SHISA6: variants seen among roughly 807,000 people sequenced by gnomAD.
SHISA6 encodes shisa family member 6, also known as protein shisa-6.
Under a neutral mutation model 47.9 loss-of-function variants are expected in SHISA6, and 22 were observed. The observed-to-expected ratio is 0.46, with a 90% CI of 0.33 to 0.66. SHISA6 has a LOEUF of 0.66. Among genes scored for constraint, SHISA6 ranks in the 30% least tolerant of loss-of-function variants. The pLI is 0.02. For synonymous variants in SHISA6, 388 were observed against 337.8 expected (o/e 1.15, Z -1.63); for missense variants, 680 against 764.6 (o/e 0.89, Z 1.30).
rs1555530646 is a variant in SHISA6 at position 11,361,190 on chromosome 17, G to GT, written c.800-18215dup. ...AATGTCTTGTCTCTTCCCTACGTTA[G>GT]TTTTTTTTTCCAGATAGATTTTGGA... On this transcript the variant is annotated intron_variant, in intron 2 of 5. Transcript: ENST00000441885. 8.7e-5 allele frequency among the ~76,000 whole-genome samples: 13 copies of GT among 148,944 alleles called. No homozygotes were observed. The East Asian group carries it at 9.8e-4, about 11-fold the overall frequency.
intron 3 of SHISA6, among the ~76,000 whole-genome samples, chr17:11,428,828 A>C (rs1416121234): frequency 7.8e-6 from 1 of 129,024 alleles, no homozygotes; most frequent in Non-Finnish European, 1.5e-5. Context: ...TCTGTCGCCC[A>C]GGCTGGAGTG....
intron 3 of SHISA6, among the ~76,000 whole-genome samples, chr17:11,467,385 C>T (rs1915834383): frequency 6.6e-6 from 1 of 152,140 alleles, no homozygotes; most frequent in Non-Finnish European, 1.5e-5. Context: ...TTTCTGTTAC[C>T]TTGATCATAG....
At chr17:11,332,944 G>A (rs1310526766) in intron 2 of SHISA6, among the ~76,000 whole-genome samples, 1 of 152,168 alleles carries the variant, frequency 6.6e-6, no homozygotes, top group Non-Finnish European at 1.5e-5. Flanking sequence ...TGCCAGTGCG[G>A]CATCTAGAGA....
intron 3 of SHISA6, among the ~76,000 whole-genome samples, chr17:11,516,897 C>A (rs1233704138): frequency 6.6e-6 from 1 of 152,162 alleles, no homozygotes; most frequent in Admixed American, 6.5e-5. Context: ...CTTGCTGCAG[C>A]CAAGCCCAAC....
chr17:11,525,652 C>CA (rs371530736), intron 3 of SHISA6, among the ~76,000 whole-genome samples: 8 of 104,284 alleles, frequency 7.7e-5, no homozygotes, highest in African/African-American at 2.7e-4. Flanking sequence ...AAAAAAAAAA[C>CA]AAAAAAAAAA....
At chr17:11,324,166 C>T (rs987671921) in intron 2 of SHISA6, among the ~76,000 whole-genome samples, 19 of 152,122 alleles carry the variant, frequency 1.2e-4, no homozygotes, top group African/African-American at 4.6e-4. Context: ...GCTTTGGTGC[C>T]GCGTTTTCAT....
chr17:11,324,988 C>T (rs1468063348), intron 2 of SHISA6, among the ~76,000 whole-genome samples: 1 of 152,142 alleles, frequency 6.6e-6, no homozygotes, highest in Non-Finnish European at 1.5e-5. Context: ...CAATTTTGCT[C>T]CTCACAACCA....
chr17:11,410,197 A>T (rs1330837029), intron 3 of SHISA6, among the ~76,000 whole-genome samples: 1 of 152,212 alleles, frequency 6.6e-6, no homozygotes, highest in Non-Finnish European at 1.5e-5. Context: ...TAAAGCTAGA[A>T]GTAATAATCA....
chr17:11,537,144 G>A (rs2071794841), intron 3 of SHISA6, among the ~76,000 whole-genome samples: 1 of 151,984 alleles, frequency 6.6e-6, no homozygotes. Context: ...CAGAAGTAGG[G>A]AAGCAGAGCA....
At chr17:11,322,258 G>A (rs1391054507) in intron 2 of SHISA6, among the ~76,000 whole-genome samples, 2 of 151,306 alleles carry the variant, frequency 1.3e-5, no homozygotes, top group African/African-American at 4.9e-5. Context: ...GTCAAAGAAC[G>A]TAAAAAAGAA....
At chr17:11,424,227 A>G (rs576767627) in intron 3 of SHISA6, among the ~76,000 whole-genome samples, 3 of 152,212 alleles carry the variant, frequency 2.0e-5, no homozygotes, top group Non-Finnish European at 2.9e-5. Flanking sequence ...ATTTTAAAGC[A>G]GATAGAAATT....
rs184757041 is a variant in SHISA6, at chr17:11,496,482, G to A, written c.896-55414G>A. Among the ~76,000 whole-genome samples, 1,076 of 152,346 alleles carry A rather than the reference G, an allele frequency of 7.1e-3. 12 individuals carry two copies. The highest frequency in any genetic ancestry group is 0.024 in the African/African-American group (1,019 of 41,592). On this transcript the variant is annotated intron_variant, in intron 3 of 5. Transcript: ENST00000441885. ...GGGCCGGGTACGGTGGCTCACGCCT[G>A]TAATCCCAACACTTTGGGAGGCTGA...
chr17:11,265,560 T>C (rs900597926), intron 2 of SHISA6, among the ~76,000 whole-genome samples: 1 of 152,194 alleles, frequency 6.6e-6, no homozygotes, highest in African/African-American at 2.4e-5. Flanking sequence ...TTGATCACTG[T>C]TGAACCCAAC....
chr17:11,344,414 C>G lies in SHISA6; in HGVS notation c.800-35000C>G, dbSNP rs368395115. ...GTCTTTGCCTACTACTCCAAGCTCA[C>G]TAAGATTTACTCCTATATCTTATTC... is the stretch of plus-strand genomic sequence containing the variant. On this transcript the variant is annotated intron_variant, in intron 2 of 5. Transcript: ENST00000441885. 7.0e-4 allele frequency among the ~76,000 whole-genome samples: 107 copies of G among 152,248 alleles called. 3 individuals are homozygous for G. In the South Asian group the frequency reaches 0.021, roughly 30 times the overall value.
At chr17:11,466,111 GC>G (rs1390128399) in intron 3 of SHISA6, among the ~76,000 whole-genome samples, 2 of 152,274 alleles carry the variant, frequency 1.3e-5, no homozygotes, top group Admixed American at 6.5e-5. Context: ...TAGGAGTGGG[GC>G]CCAGGGTTCA....
intron 3 of SHISA6, among the ~76,000 whole-genome samples, chr17:11,423,303 T>A (rs1914507470): frequency 6.8e-6 from 1 of 147,534 alleles, no homozygotes; most frequent in African/African-American, 2.5e-5. Flanking sequence ...GTAACATATA[T>A]CTATATATGC....
intron 2 of SHISA6, among the ~76,000 whole-genome samples, chr17:11,321,967 A>G (rs1910731161): frequency 6.6e-6 from 1 of 152,216 alleles, no homozygotes; most frequent in Non-Finnish European, 1.5e-5. Flanking sequence ...AGGAAAGCCA[A>G]AAGATTGGAC....
At chr17:11,357,983 A>G (rs932648438) in intron 2 of SHISA6, among the ~76,000 whole-genome samples, 3 of 152,192 alleles carry the variant, frequency 2.0e-5, no homozygotes, top group Non-Finnish European at 4.4e-5. Context: ...CTTATTTGGA[A>G]GAGCTTTTTA....
At chr17:11,316,906 AAATTACTTGGAAGAGTTTTTATG>A (rs1910543591) in intron 2 of SHISA6, among the ~76,000 whole-genome samples, 1 of 152,174 alleles carries the variant, frequency 6.6e-6, no homozygotes, top group Admixed American at 6.5e-5. Flanking sequence ...TTTTACATAA[AAATTACTTGGAAGAGTTTTTATG>A]TTTACATTAG....
Sources: allele counts gnomAD v4.1 joint callset (sites outside exome capture counted in the v4.1 genomes callset), GRCh38; gene constraint gnomAD v4.1.1; transcripts MANE v1.5; gene names NCBI Gene and HGNC (gene_info 2026-07-23, HGNC 2026-07-21).